The following MYO1D variants were observed in gnomAD, a reference collection of about 807,000 sequenced individuals.
The protein encoded by MYO1D is unconventional myosin-Id.
A neutral mutation model predicts 122.0 loss-of-function variants in MYO1D; 83 were observed. The observed-to-expected ratio is 0.68, with a 90% CI of 0.57 to 0.82. The LOEUF (loss-of-function observed/expected upper bound fraction) is 0.82. Among genes scored for constraint, MYO1D ranks in the 40% least tolerant of loss-of-function variants. The probability of loss-of-function intolerance (pLI) is 0.00; values close to 1 mark genes in which losing one functional copy is unlikely to be tolerated. For synonymous variants in MYO1D, 464 were observed against 446.9 expected (o/e 1.04, Z -0.48); for missense variants, 1,157 against 1,269.5 (o/e 0.91, Z 1.35).
intron 1 of MYO1D, among the ~76,000 whole-genome samples, chr17:32,789,438 T>A (rs544251783): frequency 6.6e-6 from 1 of 152,152 alleles, no homozygotes; most frequent in Non-Finnish European, 1.5e-5. Context: ...AATGGTGACA[T>A]TTCAAAACAG....
intron 16 of MYO1D, among the ~76,000 whole-genome samples, chr17:32,677,867 CCTT>C (rs1377737440): frequency 5.3e-5 from 8 of 151,926 alleles, no homozygotes; most frequent in South Asian, 4.2e-4. Context: ...CAAAATCTGC[CCTT>C]CTTTTTTGTC....
chr17:32,544,250 C>T (rs1396020912), intron 21 of MYO1D, among the ~76,000 whole-genome samples: 1 of 148,884 alleles, frequency 6.7e-6, no homozygotes, highest in Non-Finnish European at 1.5e-5. Context: ...TGTGCACTAC[C>T]ATACCCAGCT....
chr17:32,783,564 G>T (rs1321474520), intron 1 of MYO1D, among the ~76,000 whole-genome samples: 1 of 152,260 alleles, frequency 6.6e-6, no homozygotes, highest in Non-Finnish European at 1.5e-5. Flanking sequence ...CTCAAAGATA[G>T]TGGCAAATAT....
At chr17:32,547,696 T>A (rs2086975814) in intron 21 of MYO1D, among the ~76,000 whole-genome samples, 3 of 152,292 alleles carry the variant, frequency 2.0e-5, no homozygotes, top group Admixed American at 2.0e-4. Context: ...CCTATAATCC[T>A]AGCACTTTGG....
At chr17:32,744,478 A>G (rs2151006331) in intron 13 of MYO1D, among the ~76,000 whole-genome samples, 1 of 152,268 alleles carries the variant, frequency 6.6e-6, no homozygotes, top group South Asian at 2.1e-4. Flanking sequence ...GAGGCCAGGG[A>G]CTTTGCCTAC....
At chr17:32,840,194 C>T (rs1013641372) in intron 1 of MYO1D, among the ~76,000 whole-genome samples, 1 of 152,086 alleles carries the variant, frequency 6.6e-6, no homozygotes, top group Admixed American at 6.6e-5. Context: ...CAACAAAAAG[C>T]CCAGGGTGTT....
intron 21 of MYO1D, among the ~76,000 whole-genome samples, chr17:32,577,376 C>T (rs2087288680): frequency 6.6e-6 from 1 of 152,136 alleles, no homozygotes; most frequent in Non-Finnish European, 1.5e-5. Context: ...AAGTGATCCT[C>T]CCACCTCAGC....
intron 1 of MYO1D, among the ~76,000 whole-genome samples, chr17:32,850,730 A>T (rs2090978589): frequency 6.6e-6 from 1 of 152,108 alleles, no homozygotes; most frequent in Non-Finnish European, 1.5e-5. Flanking sequence ...GATACACCAT[A>T]TAAGGACATA....
chr17:32,619,906 A>T (rs1435693246), intron 20 of MYO1D, among the ~76,000 whole-genome samples: 2 of 152,150 alleles, frequency 1.3e-5, no homozygotes, highest in Non-Finnish European at 2.9e-5. Context: ...CAACTATTTT[A>T]GATATGATGA....
chr17:32,619,643 T>G (rs2087829413), intron 20 of MYO1D, among the ~76,000 whole-genome samples: 1 of 152,244 alleles, frequency 6.6e-6, no homozygotes, highest in Admixed American at 6.5e-5. Context: ...GTAAAACTAC[T>G]AAATAATTGG....
At chr17:32,649,341 A>T (rs1041408360) in intron 19 of MYO1D, among the ~76,000 whole-genome samples, 6 of 152,156 alleles carry the variant, frequency 3.9e-5, no homozygotes. Flanking sequence ...TACCCATTAA[A>T]CAATAACTCC....
At chr17:32,710,954 A>G (rs1376055783) in intron 16 of MYO1D, among the ~76,000 whole-genome samples, 1 of 152,162 alleles carries the variant, frequency 6.6e-6, no homozygotes, top group Non-Finnish European at 1.5e-5. Flanking sequence ...ACCCTCATAT[A>G]CAGCTGTTGG....
At chr17:32,812,858 G>A (rs964339595) in intron 1 of MYO1D, among the ~76,000 whole-genome samples, 2 of 152,158 alleles carry the variant, frequency 1.3e-5, no homozygotes, top group African/African-American at 4.8e-5. Flanking sequence ...AAAATGCCAA[G>A]CACTAGACTA....
At chr17:32,802,760 T>G (rs2090471275) in intron 1 of MYO1D, among the ~76,000 whole-genome samples, 1 of 152,254 alleles carries the variant, frequency 6.6e-6, no homozygotes, top group Non-Finnish European at 1.5e-5. Flanking sequence ...TACATACAGA[T>G]AAATTTCACT....
At position 32,755,714 on chromosome 17, in the gene MYO1D, G is replaced by T. The variant is rs75695998; in HGVS notation, c.1297-52C>A. On this transcript the variant is annotated intron_variant, in intron 10 of 21. Transcript: ENST00000318217. ...CTGAAGAGAACAGTGACCAGGCCAGGTTAAACCCTGATGCTCCCATTTGTA... is the reference window on the plus strand; with the variant it reads ...CTGAAGAGAACAGTGACCAGGCCAGTTTAAACCCTGATGCTCCCATTTGTA... The T allele has an allele frequency of 3.3e-4, 492 of 1,513,408 alleles. 1 individual carries two copies. The African/African-American group carries it at 5.9e-3, about 18-fold the overall frequency. The allele number at this position is 1,513,408 out of a possible 1,614,324, so 93.7% of individuals were successfully genotyped here.
intron 21 of MYO1D, among the ~76,000 whole-genome samples, chr17:32,600,090 A>G (rs2087545321): frequency 6.6e-6 from 1 of 152,244 alleles, no homozygotes; most frequent in Non-Finnish European, 1.5e-5. Context: ...GTGCTCTTGG[A>G]TAACTAGATG....
chr17:32,833,880 C>T (rs993951584), intron 1 of MYO1D, among the ~76,000 whole-genome samples: 10 of 152,118 alleles, frequency 6.6e-5, no homozygotes, highest in Non-Finnish European at 1.2e-4. Context: ...CCTTCCCTGG[C>T]CATTCTAGAT....
At chr17:32,684,412 T>C (rs1266877432) in intron 16 of MYO1D, 1 of 152,230 alleles carries the variant, frequency 6.6e-6, no homozygotes, top group East Asian at 1.9e-4. Flanking sequence ...GTGTAATCCA[T>C]GAGGACAAGG....
intron 13 of MYO1D, among the ~76,000 whole-genome samples, chr17:32,741,452 T>C (rs182074902): frequency 3.4e-4 from 51 of 151,878 alleles, no homozygotes; most frequent in African/African-American, 4.8e-4. Flanking sequence ...ATACACAATA[T>C]GCTGCATTTA....
Sources: gnomAD v4.1 joint callset for allele counts (sites outside exome capture counted in the v4.1 genomes callset) on GRCh38, gnomAD v4.1.1 for gene constraint, MANE v1.5 for transcripts, NCBI Gene and HGNC (gene_info 2026-07-23, HGNC 2026-07-21) for gene names.